The following FAR2 variants were observed in gnomAD, a reference collection of about 807,000 sequenced individuals.
FAR2 encodes the protein epididymis secretory protein Li 81.
Under a neutral mutation model 56.0 loss-of-function variants are expected in FAR2, and 19 were observed. The observed-to-expected ratio is 0.34, with a 90% CI of 0.24 to 0.50. The LOEUF (loss-of-function observed/expected upper bound fraction) is 0.50, where lower values mean the gene tolerates loss of function less well. Among genes scored for constraint, FAR2 ranks in the 20% least tolerant of loss-of-function variants. The probability of loss-of-function intolerance (pLI) is 0.98; values close to 1 mark genes in which losing one functional copy is unlikely to be tolerated. For synonymous variants in FAR2, 219 were observed against 218.8 expected (o/e 1.00, Z -0.01); for missense variants, 508 against 642.2 (o/e 0.79, Z 2.26).
At chr12:29,280,162 C>T (rs1948765391) in intron 2 of FAR2, among the ~76,000 whole-genome samples, 1 of 152,090 alleles carries the variant, frequency 6.6e-6, no homozygotes, top group Non-Finnish European at 1.5e-5. Flanking sequence ...TGACCTCAGG[C>T]GATCTGCCTG....
rs1337730589 is a variant in FAR2, at chr12:29,333,649, A to G, written c.1403A>G (p.Tyr468Cys). ...QRLKRLRNIH[Y>C]LFNTALFLIA... ...TTCCCTAGGCTCCGAAATATTCACTACCTCTTTAATACTGCCCTCTTCCTT... is the reference window on the plus strand; with the variant it reads ...TTCCCTAGGCTCCGAAATATTCACTGCCTCTTTAATACTGCCCTCTTCCTT... The change falls in exon 12 of 12, where the codon TAC becomes TGC. Residue 468 changes from tyrosine (Y) to cysteine (C), a missense_variant. Coordinates refer to ENST00000536681, the MANE Select transcript of FAR2 (RefSeq NM_001271783.2). 1.5e-5 allele frequency: 25 copies of G among 1,613,246 alleles called. No homozygotes were observed. Among genetic ancestry groups the G allele is most frequent in the Non-Finnish European group, 2.1e-5 (25 of 1,179,556 alleles).
At chr12:29,230,597 G>A (rs1468247938) in intron 1 of FAR2, among the ~76,000 whole-genome samples, 3 of 152,074 alleles carry the variant, frequency 2.0e-5, no homozygotes, top group Admixed American at 6.6e-5. Context: ...AGGGCAGCAA[G>A]AAACACTTAG....
chr12:29,258,115 G>A (rs1220967221), intron 1 of FAR2, among the ~76,000 whole-genome samples: 3 of 151,838 alleles, frequency 2.0e-5, no homozygotes, highest in South Asian at 2.1e-4. Context: ...AGGCTGAGGC[G>A]GGTGGATCAC....
intron 1 of FAR2, among the ~76,000 whole-genome samples, chr12:29,182,574 G>A (rs1950001864): frequency 6.6e-6 from 1 of 152,168 alleles, no homozygotes; most frequent in East Asian, 1.9e-4. Flanking sequence ...AGACAGAAAA[G>A]TTCTCCAAGT....
intron 1 of FAR2, among the ~76,000 whole-genome samples, chr12:29,269,153 G>T (rs1433464687): frequency 6.6e-6 from 1 of 152,132 alleles, no homozygotes; most frequent in African/African-American, 2.4e-5. Flanking sequence ...TGCTATAGGA[G>T]ACTGGGGTCT....
rs949812062 is a variant in FAR2, at chr12:29,271,291, C to A, written c.189+653C>A. ...ATGTTTTAATTTATAAATTTCAAGG[C>A]AGTATAACCTTGGGTCTCAAACATA... On this transcript the variant is annotated intron_variant, in intron 2 of 11. Transcript: ENST00000536681. Among the ~76,000 whole-genome samples, 3 of 152,282 alleles carry A rather than the reference C, an allele frequency of 2.0e-5. No individual in the cohort carries two copies. In the South Asian group the frequency reaches 6.2e-4, roughly 32 times the overall value.
Position 29,173,763 on chromosome 12 carries a change from C to G in FAR2, c.-39+24356C>G, listed in dbSNP as rs566622724. Among the ~76,000 whole-genome samples, 6 of 152,198 alleles carry G rather than the reference C, an allele frequency of 3.9e-5. No individual in the cohort carries two copies. In the East Asian group the frequency reaches 5.8e-4, roughly 15 times the overall value. On this transcript the variant is annotated intron_variant, in intron 1 of 11. Transcript: ENST00000536681. ...GGTTTGTTTGTTTCCCCACACCCCC[C>G]CTACCCAAGAACCCGCGACAGTCCC...
chr12:29,314,412 C>T (rs1434990982), intron 8 of FAR2, among the ~76,000 whole-genome samples: 2 of 148,262 alleles, frequency 1.3e-5, no homozygotes, highest in African/African-American at 5.0e-5. Flanking sequence ...GAAAAAGTCA[C>T]TCAGTTTCTC....
chr12:29,165,020 T>C (rs533725149), intron 1 of FAR2, among the ~76,000 whole-genome samples: 65 of 152,314 alleles, frequency 4.3e-4, no homozygotes, highest in Middle Eastern at 3.4e-3. Flanking sequence ...GTGAATTGTC[T>C]TTTCACTTCC....
intron 1 of FAR2, among the ~76,000 whole-genome samples, chr12:29,201,868 G>A (rs4931165): frequency 0.74 from 112,194 of 152,082 alleles, 43,473 homozygotes; most frequent in East Asian, 0.91. Flanking sequence ...TACTGTATTG[G>A]ACAGTGCAGA....
At chr12:29,291,506 C>T (rs1591935029) in intron 2 of FAR2, 4 of 452,174 alleles carry the variant, frequency 8.8e-6, no homozygotes, top group East Asian at 7.0e-5. Flanking sequence ...TCCGTGTTTG[C>T]ACTCTAAATG....
chr12:29,272,160 G>C (rs1485394433), intron 2 of FAR2, among the ~76,000 whole-genome samples: 1 of 152,152 alleles, frequency 6.6e-6, no homozygotes, highest in Non-Finnish European at 1.5e-5. Flanking sequence ...TGTTTTTCCT[G>C]AATTTGCGTG....
At chr12:29,153,954 A>G (rs1271554543) in intron 1 of FAR2, among the ~76,000 whole-genome samples, 1 of 152,222 alleles carries the variant, frequency 6.6e-6, no homozygotes, top group Non-Finnish European at 1.5e-5. Flanking sequence ...CGCCCTGGTT[A>G]TTACCTCTGG....
chr12:29,280,266 C>T (rs775595613), intron 2 of FAR2, among the ~76,000 whole-genome samples: 1 of 152,136 alleles, frequency 6.6e-6, no homozygotes, highest in Non-Finnish European at 1.5e-5. Flanking sequence ...TTCTTTTACC[C>T]AGGTATGTTA....
At chr12:29,259,410 C>A (rs1351896453) in intron 1 of FAR2, among the ~76,000 whole-genome samples, 1 of 152,138 alleles carries the variant, frequency 6.6e-6, no homozygotes, top group Non-Finnish European at 1.5e-5. Flanking sequence ...CATCTTGTTT[C>A]TTTTCAAAAA....
rs1454930306 is a variant in FAR2 at position 29,253,259 on chromosome 12, CTAGA to C, written c.-38-17146_-38-17143del. Reference sequence around the variant, plus strand: ...TAGATATCTATATATCGATATCTATCTAGATAGATATCTATATATCGATATCTAT... The same window carrying C: ...TAGATATCTATATATCGATATCTATCTAGATATCTATATATCGATATCTAT... On this transcript the variant is annotated intron_variant, in intron 1 of 11. Coordinates refer to ENST00000536681, the MANE Select transcript of FAR2 (RefSeq NM_001271783.2). Among the ~76,000 whole-genome samples the C allele has an allele frequency of 3.3e-5, 3 of 90,792 alleles. No homozygotes were observed. In the Admixed American group the frequency reaches 3.6e-4, roughly 11 times the overall value. The allele number at this position is 90,792 out of a possible 152,430, so 59.6% of individuals were successfully genotyped here. A position where few individuals can be genotyped will look rare whatever the true frequency, so the allele number is the denominator to read the frequency against.
chr12:29,333,496 G>A (rs1211620557), intron 11 of FAR2, 136 bp from the exon 12 acceptor site: 4 of 751,244 alleles, frequency 5.3e-6, no homozygotes, highest in Non-Finnish European at 8.6e-6. Flanking sequence ...GAAACCAATT[G>A]GCCAAGTTAT....
chr12:29,243,370 C>T (rs1478290910), intron 1 of FAR2, among the ~76,000 whole-genome samples: 2 of 152,176 alleles, frequency 1.3e-5, no homozygotes, highest in East Asian at 3.8e-4. Context: ...TTGTTTATTA[C>T]AGATAAGGGG....
chr12:29,165,907 G>A (rs1370364014), intron 1 of FAR2, among the ~76,000 whole-genome samples: 1 of 152,170 alleles, frequency 6.6e-6, no homozygotes, highest in Admixed American at 6.5e-5. Flanking sequence ...AGATGTTGTT[G>A]TATAGGAAAA....
Sources: gnomAD v4.1 joint callset for allele counts (sites outside exome capture counted in the v4.1 genomes callset) on GRCh38, gnomAD v4.1.1 for gene constraint, MANE v1.5 for transcripts, NCBI Gene and HGNC (gene_info 2026-07-23, HGNC 2026-07-21) for gene names.